The following B3GALT1 variants were observed in gnomAD, a reference collection of about 807,000 sequenced individuals.
B3GALT1 encodes UDP-Gal:betaGlcNAc beta 1,3-galactosyltransferase, polypeptide 1.
B3GALT1 carries 10 observed loss-of-function variants against 23.2 expected under a neutral mutation model. That is an observed-to-expected ratio of 0.43 (90% CI 0.27 to 0.73). The LOEUF (loss-of-function observed/expected upper bound fraction) is 0.73. Ranked by LOEUF, B3GALT1 falls within the 30% of genes least tolerant of loss-of-function variation. B3GALT1 has a pLI of 0.21. For synonymous variants in B3GALT1, 156 were observed against 141.5 expected (o/e 1.10, Z -0.73); for missense variants, 299 against 405.4 (o/e 0.74, Z 2.25).
At chr2:167,550,694 T>C (rs1299681340) in intron 2 of B3GALT1, among the ~76,000 whole-genome samples, 1 of 152,218 alleles carries the variant, frequency 6.6e-6, no homozygotes, top group Non-Finnish European at 1.5e-5. Context: ...CAGTGGGCTT[T>C]GGTGATGCCT....
chr2:167,387,175 C>T (rs1176796966), intron 1 of B3GALT1, among the ~76,000 whole-genome samples: 1 of 152,192 alleles, frequency 6.6e-6, no homozygotes, highest in African/African-American at 2.4e-5. Flanking sequence ...TCATTGTTGT[C>T]ATTAGCATTT....
At chr2:167,325,830 G>C (rs552461051) in intron 1 of B3GALT1, among the ~76,000 whole-genome samples, 7 of 150,590 alleles carry the variant, frequency 4.6e-5, no homozygotes, top group Admixed American at 2.0e-4. Context: ...CAATTCTCCT[G>C]CATCAGCCTC....
At position 167,317,296 on chromosome 2, in the gene B3GALT1, A is replaced by G. The variant is rs1696734443; in HGVS notation, c.-511+23962A>G. On this transcript the variant is annotated intron_variant, in intron 1 of 4. Coordinates refer to ENST00000392690, the MANE Select transcript of B3GALT1 (RefSeq NM_020981.4). ...CACTGGCATGGCATTTGAGTAGACA[A>G]AGGAGTGGACAAATCAGGCTTTGAA... Among the ~76,000 whole-genome samples, 4 of 152,118 alleles carry G rather than the reference A, an allele frequency of 2.6e-5. No homozygotes were observed. The South Asian group carries it at 8.3e-4, about 31-fold the overall frequency.
In B3GALT1 at chr2:167,765,366, G is replaced by T. The variant is rs770007383; in HGVS notation, c.-351-53306G>T. On this transcript the variant is annotated intron_variant, in intron 3 of 4. Transcript: ENST00000392690. ...CTGAAGCCCAGGTAGAGTATAACAA[G>T]AATCCTCTTGTTCCACTCGGCGCTA... 3.3e-5 allele frequency among the ~76,000 whole-genome samples: 5 copies of T among 152,132 alleles called. 1 individual carries two copies. The highest frequency in any genetic ancestry group is 7.4e-5 in the Non-Finnish European group (5 of 68,014).
chr2:167,388,524 A>T (rs191596143), intron 1 of B3GALT1, among the ~76,000 whole-genome samples: 1 of 152,126 alleles, frequency 6.6e-6, no homozygotes, highest in Non-Finnish European at 1.5e-5. Flanking sequence ...TGAAGGGACT[A>T]CCTGAGAATA....
intron 1 of B3GALT1, among the ~76,000 whole-genome samples, chr2:167,335,688 A>G (rs962239445): frequency 1.3e-5 from 2 of 152,196 alleles, no homozygotes; most frequent in Non-Finnish European, 2.9e-5. Flanking sequence ...ATGCTAATGC[A>G]TTATAATTAG....
At chr2:167,485,063 C>T (rs1259186682) in intron 1 of B3GALT1, among the ~76,000 whole-genome samples, 3 of 152,052 alleles carry the variant, frequency 2.0e-5, no homozygotes, top group Non-Finnish European at 2.9e-5. Context: ...TATAGTAAGG[C>T]ATGTCCAACC....
At chr2:167,714,287 G>A in intron 3 of B3GALT1, 1 of 1,501,038 alleles carries the variant, frequency 6.7e-7, no homozygotes, top group South Asian at 1.1e-5. Flanking sequence ...AGATGAGAGG[G>A]ACCCAGTGTC....
At chr2:167,454,798 A>G (rs1487659556) in intron 1 of B3GALT1, among the ~76,000 whole-genome samples, 1 of 152,178 alleles carries the variant, frequency 6.6e-6, no homozygotes, top group African/African-American at 2.4e-5. Context: ...CATATGAGAA[A>G]ATCAAGGTCA....
At chr2:167,512,578 A>ACG (rs1553463245) in intron 2 of B3GALT1, among the ~76,000 whole-genome samples, 1 of 92,374 alleles carries the variant, frequency 1.1e-5, no homozygotes, top group African/African-American at 4.7e-5. Context: ...GTATATATAT[A>ACG]TGTATATATA....
chr2:167,384,773 C>T (rs905945139), intron 1 of B3GALT1, among the ~76,000 whole-genome samples: 2 of 152,108 alleles, frequency 1.3e-5, no homozygotes, highest in Admixed American at 6.6e-5. Flanking sequence ...TTGAAGCCAG[C>T]ATTCATGCTG....
intron 2 of B3GALT1, among the ~76,000 whole-genome samples, chr2:167,610,285 A>G (rs1176073236): frequency 6.6e-6 from 1 of 152,096 alleles, no homozygotes; most frequent in Admixed American, 6.6e-5. Context: ...AGCACAGCTA[A>G]TGAGAAATTT....
chr2:167,578,073 C>A (rs2105405071), intron 2 of B3GALT1, among the ~76,000 whole-genome samples: 1 of 152,004 alleles, frequency 6.6e-6, no homozygotes, highest in Non-Finnish European at 1.5e-5. Flanking sequence ...AAACCTTGAA[C>A]AACAGGAATG....
chr2:167,615,941 C>A (rs1470834823), intron 2 of B3GALT1, among the ~76,000 whole-genome samples: 2 of 152,014 alleles, frequency 1.3e-5, no homozygotes, highest in Non-Finnish European at 2.9e-5. Flanking sequence ...GAACCCAGCA[C>A]ACAGGTAGAT....
At chr2:167,372,268 G>A (rs541775685) in intron 1 of B3GALT1, among the ~76,000 whole-genome samples, 5 of 152,056 alleles carry the variant, frequency 3.3e-5, no homozygotes, top group Admixed American at 1.3e-4. Context: ...TGCAGAAAAA[G>A]CAATTGACCA....
At chr2:167,421,129 T>C (rs1223501859) in intron 1 of B3GALT1, among the ~76,000 whole-genome samples, 1 of 152,238 alleles carries the variant, frequency 6.6e-6, no homozygotes, top group East Asian at 1.9e-4. Flanking sequence ...TTGTCTGGTA[T>C]TTCACTGTCT....
intron 1 of B3GALT1, among the ~76,000 whole-genome samples, chr2:167,308,784 C>T (rs1282540861): frequency 2.0e-5 from 3 of 152,012 alleles, no homozygotes; most frequent in African/African-American, 7.2e-5. Context: ...GAGAACTATA[C>T]AGTGCCATCA....
At chr2:167,436,857 C>T (rs572346298) in intron 1 of B3GALT1, among the ~76,000 whole-genome samples, 3 of 152,110 alleles carry the variant, frequency 2.0e-5, no homozygotes, top group Non-Finnish European at 4.4e-5. Flanking sequence ...GGTATTATTT[C>T]TGAAATTTGC....
At chr2:167,691,913 A>C (rs143085567) in intron 3 of B3GALT1, among the ~76,000 whole-genome samples, 1,598 of 152,234 alleles carry the variant, frequency 0.01, 16 homozygotes, top group Non-Finnish European at 0.015. Flanking sequence ...TACATAAAGT[A>C]AGTAGAGCTT....
Sources: allele counts gnomAD v4.1 joint callset (sites outside exome capture counted in the v4.1 genomes callset), GRCh38; gene constraint gnomAD v4.1.1; transcripts MANE v1.5; gene names NCBI Gene and HGNC (gene_info 2026-07-23, HGNC 2026-07-21).